The following FGD1 variants were observed in gnomAD, a reference collection of about 807,000 sequenced individuals.
FGD1 encodes the protein FYVE, RhoGEF and PH domain-containing protein 1.
In FGD1, 12 loss-of-function variants were observed where a neutral mutation model predicts 65.0. That is an observed-to-expected ratio of 0.18 (90% CI 0.12 to 0.30). FGD1 has a LOEUF of 0.30. Among genes scored for constraint, FGD1 ranks in the 10% least tolerant of loss-of-function variants. The pLI is 1.00. For missense variants in FGD1, 542 were observed against 837.6 expected, an observed-to-expected ratio of 0.65 and a Z score of 4.36; for synonymous variants, 333 against 343.9, an observed-to-expected ratio of 0.97 and a Z score of 0.35.
intron 1 of FGD1, among the ~76,000 whole-genome samples, chrX:54,476,414 T>C (rs1225692866): frequency 1.8e-5 from 2 of 109,286 alleles, no homozygotes; most frequent in Admixed American, 2.0e-4. Context: ...AGTACAGTAG[T>C]GTGATCAGGT....
chrX:54,451,234 C>A (rs1330130908), intron 12 of FGD1, among the ~76,000 whole-genome samples: 1 of 110,864 alleles, frequency 9.0e-6, no homozygotes, highest in Non-Finnish European at 1.9e-5. Context: ...CGTTCCCCTT[C>A]CCTGACTCTT....
rs372722906 is a variant in FGD1 at position 54,466,192 on chromosome X, A to G, written c.1341-340T>C. On this transcript the variant is annotated intron_variant, in intron 6 of 17. Coordinates refer to ENST00000375135, the MANE Select transcript of FGD1 (RefSeq NM_004463.3). ...TGCTGGGGACACAGAAATGAGTCAC[A>G]CCCATTTGAGCCCTGAGAGGGTCAC... Among the ~76,000 whole-genome samples the G allele has an allele frequency of 5.4e-5, 6 of 111,789 alleles. No homozygotes were observed. The South Asian group carries it at 2.3e-3, about 42-fold the overall frequency.
chrX:54,463,778 T>A (rs1008542051), intron 8 of FGD1, among the ~76,000 whole-genome samples: 1 of 111,354 alleles, frequency 9.0e-6, no homozygotes, highest in Non-Finnish European at 1.9e-5. Context: ...GGCCTCTGCC[T>A]GGAACATGCT....
At chrX:54,477,710 T>G (rs769016126) in intron 1 of FGD1, among the ~76,000 whole-genome samples, 8 of 110,970 alleles carry the variant, frequency 7.2e-5, no homozygotes, top group Admixed American at 2.9e-4. Flanking sequence ...ATTACAGGCG[T>G]AAGCCACCAT....
chrX:54,481,744 T>A (rs1298842654), intron 1 of FGD1, among the ~76,000 whole-genome samples: 1 of 107,567 alleles, frequency 9.3e-6, no homozygotes, highest in Non-Finnish European at 1.9e-5. Flanking sequence ...CTGAGAATGG[T>A]TCTGCAGACA....
intron 8 of FGD1, among the ~76,000 whole-genome samples, chrX:54,459,143 ACT>A (rs1223361188): frequency 9.0e-6 from 1 of 111,171 alleles, no homozygotes; most frequent in East Asian, 2.8e-4. Context: ...TAGGAAGAAG[ACT>A]CTGGCAAGTT....
Position 54,495,260 on chromosome X carries a change from G to A in FGD1, c.173C>T (p.Pro58Leu). Residue 58 changes from proline (P) to leucine (L), a missense_variant, in exon 1 of 18, where the codon CCC becomes CTC. By Grantham distance (98) the Pro-to-Leu change is moderately conservative. Coordinates refer to ENST00000375135, the MANE Select transcript of FGD1 (RefSeq NM_004463.3). ...GGTGTCCGAGGGTCCGACAAACTGG[G>A]GATCCAGTGGGCCGCCAAGAGCCGA... ...SGSALGGPLD[P>L]QFVGPSDTSL... The A allele has an allele frequency of 8.4e-7, 1 of 1,192,727 alleles. No homozygotes were observed. The highest frequency in any genetic ancestry group is 1.1e-6 in the Non-Finnish European group (1 of 886,948).
chrX:54,479,634 G>C (rs889292199), intron 1 of FGD1, among the ~76,000 whole-genome samples: 2 of 110,026 alleles, frequency 1.8e-5, no homozygotes, highest in Non-Finnish European at 3.8e-5. Context: ...TTTCCTTTCC[G>C]GGCAGAGAGG....
chrX:54,446,016 A>G lies in FGD1; in HGVS notation c.*93T>C. The G allele has an allele frequency of 1.5e-6, 1 of 671,752 alleles. No individual in the cohort carries two copies. Among genetic ancestry groups the G allele is most frequent in the Non-Finnish European group, 2.2e-6 (1 of 444,552 alleles). The allele number at this position is 671,752 out of a possible 1,213,427, so 55.4% of individuals were successfully genotyped here. ...AAGTGCCCGTGATGGGAGTTCAAGT[A>G]TTGACTGAGCTGGGAGGGAAGGGGC... On this transcript the variant is annotated 3_prime_UTR_variant, in exon 18 of 18. Coordinates refer to ENST00000375135, the MANE Select transcript of FGD1 (RefSeq NM_004463.3).
chrX:54,474,621 C>T (rs749777980), intron 1 of FGD1, among the ~76,000 whole-genome samples: 47 of 113,175 alleles, frequency 4.2e-4, no homozygotes, highest in Non-Finnish European at 8.1e-4. Context: ...TCAGCTGTGC[C>T]GCTTACCCTG....
chrX:54,453,050 C>G (rs1194242037), intron 12 of FGD1, among the ~76,000 whole-genome samples: 4 of 111,985 alleles, frequency 3.6e-5, no homozygotes, highest in Admixed American at 2.8e-4. Context: ...AAAGCAAACC[C>G]TCCATGCCTT....
chrX:54,454,108 G>A lies in FGD1; in HGVS notation c.2015+1340C>T, dbSNP rs142645219. Reference sequence around the variant, plus strand: ...TTCATATATATGTACATACAGTCACGCGTCACTTAACCACGGGGATGTGTT... The same window carrying A: ...TTCATATATATGTACATACAGTCACACGTCACTTAACCACGGGGATGTGTT... On this transcript the variant is annotated intron_variant, in intron 12 of 17. Transcript: ENST00000375135. 5.5e-3 allele frequency among the ~76,000 whole-genome samples: 609 copies of A among 110,911 alleles called. 5 individuals are homozygous for A. Among genetic ancestry groups the A allele is most frequent in the African/African-American group, 0.019 (594 of 30,470 alleles).
intron 1 of FGD1, among the ~76,000 whole-genome samples, chrX:54,478,389 CT>C (rs776736721): frequency 2.2e-3 from 228 of 105,150 alleles, no homozygotes; most frequent in African/African-American, 6.7e-3. Context: ...TGAATCTGGT[CT>C]TTTTTTTTTT....
At chrX:54,492,755 C>A (rs748776780) in intron 1 of FGD1, among the ~76,000 whole-genome samples, 1 of 111,105 alleles carries the variant, frequency 9.0e-6, no homozygotes, top group South Asian at 3.8e-4. Flanking sequence ...GCAGGCTTTA[C>A]AACCATTAAT....
chrX:54,495,624 G>T lies in FGD1; in HGVS notation c.-192C>A, dbSNP rs1485727342. The T allele has an allele frequency of 7.3e-5, 16 of 219,535 alleles. No homozygotes were observed. Among genetic ancestry groups the T allele is most frequent in the Admixed American group, 1.5e-4 (2 of 13,659 alleles). The allele number at this position is 219,535 out of a possible 1,213,427, so 18.1% of individuals were successfully genotyped here. On this transcript the variant is annotated 5_prime_UTR_variant, in exon 1 of 18. Transcript: ENST00000375135. ...CGGGCCAGCAGCCGTGGCAGCGGTG[G>T]CAGTAGCAGCAGCAGCAGCCGCGGC...
At chrX:54,482,308 C>A (rs1314168142) in intron 1 of FGD1, among the ~76,000 whole-genome samples, 1 of 111,356 alleles carries the variant, frequency 9.0e-6, no homozygotes, top group Admixed American at 9.5e-5. Context: ...AGCAGCCCAT[C>A]CCTCTTCCAG....
chrX:54,461,168 T>C (rs1922620043), intron 8 of FGD1, among the ~76,000 whole-genome samples: 1 of 111,272 alleles, frequency 9.0e-6, no homozygotes, highest in African/African-American at 3.3e-5. Flanking sequence ...GAAAATAAAA[T>C]TGCAGAACTG....
At chrX:54,452,705 C>T (rs1922408960) in intron 12 of FGD1, among the ~76,000 whole-genome samples, 1 of 111,426 alleles carries the variant, frequency 9.0e-6, no homozygotes, top group African/African-American at 3.3e-5. Flanking sequence ...GAGATGGCGC[C>T]ACTGCACTCT....
intron 1 of FGD1, among the ~76,000 whole-genome samples, chrX:54,488,615 A>G (rs1038257454): frequency 1.8e-5 from 2 of 111,602 alleles, no homozygotes; most frequent in Non-Finnish European, 3.8e-5. Flanking sequence ...AACAAAAAAC[A>G]AAACCAGAGG....
Sources: gnomAD v4.1 joint callset for allele counts (sites outside exome capture counted in the v4.1 genomes callset) on GRCh38, gnomAD v4.1.1 for gene constraint, MANE v1.5 for transcripts, NCBI Gene and HGNC (gene_info 2026-07-23, HGNC 2026-07-21) for gene names.